Variants in COPS5 observed in about 807,000 individuals in gnomAD.
The protein encoded by COPS5 is COP9 signalosome complex subunit 5.
In COPS5, 8 loss-of-function variants were observed where a neutral mutation model predicts 44.4. That is an observed-to-expected ratio of 0.18 (90% CI 0.11 to 0.32). COPS5 has a LOEUF of 0.32. Among genes scored for constraint, COPS5 ranks in the 10% least tolerant of loss-of-function variants. COPS5 has a pLI of 1.00. For synonymous variants in COPS5, 122 were observed against 142.8 expected, an observed-to-expected ratio of 0.85 and a Z score of 1.04; for missense variants, 159 against 406.4, an observed-to-expected ratio of 0.39 and a Z score of 5.23.
intron 6 of COPS5, among the ~76,000 whole-genome samples, chr8:67,050,280 C>T (rs1324070843): frequency 6.6e-6 from 1 of 152,178 alleles, no homozygotes; most frequent in Non-Finnish European, 1.5e-5. Context: ...GGATTACAGG[C>T]GTAAGCCACC....
intron 2 of COPS5, 71 bp downstream of exon 2, chr8:67,059,140 G>T: frequency 9.8e-7 from 1 of 1,023,094 alleles, no homozygotes; most frequent in Non-Finnish European, 1.5e-6. Flanking sequence ...ATAATTTTAA[G>T]TTTAGAAACT....
intron 6 of COPS5, among the ~76,000 whole-genome samples, chr8:67,048,335 TAAAAGGAA>T (rs1365173473): frequency 1.3e-5 from 2 of 149,480 alleles, no homozygotes; most frequent in African/African-American, 4.9e-5. Flanking sequence ...TAAAATAAAA[TAAAAGGAA>T]AAAAGGAAAA....
At chr8:67,059,470 T>C in intron 1 of COPS5, 25 bp from the exon 2 acceptor site, 1 of 1,521,274 alleles carries the variant, frequency 6.6e-7, no homozygotes, top group African/African-American at 1.4e-5. Flanking sequence ...CACAATGTAA[T>C]TAAATTCCTT....
chr8:67,061,294 G>A (rs1233789780), intron 1 of COPS5: 2 of 375,196 alleles, frequency 5.3e-6, no homozygotes, highest in Non-Finnish European at 1.0e-5. Context: ...ATAATTACCA[G>A]CAATCAAAAA....
intron 6 of COPS5, chr8:67,047,692 T>G: frequency 1.6e-6 from 1 of 624,358 alleles, no homozygotes; most frequent in Non-Finnish European, 2.9e-6. Context: ...AACCTTTTCT[T>G]GATTATTAAT....
chr8:67,055,421 G>A (rs1804488031), intron 5 of COPS5, among the ~76,000 whole-genome samples: 1 of 152,226 alleles, frequency 6.6e-6, no homozygotes, highest in Non-Finnish European at 1.5e-5. Flanking sequence ...GCAAGTGCTT[G>A]ATTGGGGCTC....
At chr8:67,055,228 G>A (rs1804485685) in intron 5 of COPS5, among the ~76,000 whole-genome samples, 1 of 152,224 alleles carries the variant, frequency 6.6e-6, no homozygotes, top group African/African-American at 2.4e-5. Flanking sequence ...CACAGAGGCT[G>A]TAGGAGCCAG....
chr8:67,051,399 T>A, intron 5 of COPS5, 58 bp from the exon 6 acceptor site: 2 of 905,236 alleles, frequency 2.2e-6, no homozygotes, highest in Non-Finnish European at 3.5e-6. Flanking sequence ...CTACGTCACA[T>A]AAAACTTATG....
chr8:67,054,057 G>C (rs1487212002), intron 5 of COPS5, among the ~76,000 whole-genome samples: 1 of 150,504 alleles, frequency 6.6e-6, no homozygotes, highest in African/African-American at 2.4e-5. Context: ...CAAAATTCTA[G>C]TCTTTAGCAA....
chr8:67,054,005 A>T lies in COPS5; in HGVS notation c.659+2514T>A, dbSNP rs537262380. Among the ~76,000 whole-genome samples, 48 of 120,910 alleles carry T rather than the reference A, an allele frequency of 4.0e-4. No homozygotes were observed. The Middle Eastern group carries it at 0.018, about 45-fold the overall frequency. 79.3% of individuals were successfully genotyped at this position (120,910 alleles called of 152,430 possible). On this transcript the variant is annotated intron_variant, in intron 5 of 7. Coordinates refer to ENST00000357849, the MANE Select transcript of COPS5 (RefSeq NM_006837.3). ...TGGGTGACAGAGCAAGACTCCATTT[A>T]AAAAAAAAAAAAAAAAAAGAACATT...
chr8:67,055,288 G>A (rs1804486599), intron 5 of COPS5, among the ~76,000 whole-genome samples: 1 of 152,156 alleles, frequency 6.6e-6, no homozygotes, highest in South Asian at 2.1e-4. Context: ...TCTTGTTCTT[G>A]GTAAGATGGG....
intron 1 of COPS5, 145 bp downstream of exon 1, chr8:67,061,709 G>T: frequency 2.5e-6 from 2 of 795,648 alleles, no homozygotes; most frequent in South Asian, 1.7e-5. Flanking sequence ...GGAGGGCTTA[G>T]GCTCTACTTG....
Position 67,043,151 on chromosome 8 carries a change from G to T in COPS5, c.*82C>A, listed in dbSNP as rs1816657162. Reference sequence around the variant, plus strand: ...TCAGAGCACCTTATACTTCTAATCAGATTTTGGGTAACTGGTTTTAAAGTG... The same window carrying T: ...TCAGAGCACCTTATACTTCTAATCATATTTTGGGTAACTGGTTTTAAAGTG... On this transcript the variant is annotated 3_prime_UTR_variant, in exon 8 of 8. Coordinates refer to ENST00000357849, the MANE Select transcript of COPS5 (RefSeq NM_006837.3). The T allele has an allele frequency of 3.9e-6, 3 of 763,032 alleles. No individual in the cohort carries two copies. Among genetic ancestry groups the T allele is most frequent in the African/African-American group, 3.8e-5 (2 of 52,882 alleles). The allele number at this position is 763,032 out of a possible 1,614,324, so 47.3% of individuals were successfully genotyped here.
In COPS5 at chr8:67,043,299, T is replaced by C. The variant is rs1187108453; in HGVS notation, c.939A>G (p.Glu313=). The change falls in exon 8 of 8, where the codon GAA becomes GAG. Residue 313 remains glutamate (E), a synonymous_variant. Transcript: ENST00000357849. ...ATRDSCKTTI[E]AIHGLMSQVI... is the part of the protein sequence containing the mutation. ...CCTGAGACATCAATCCATGGATAGC[T>C]TCTATGGTAGTTTTACAGCTGGAAA... 3.1e-6 allele frequency: 5 copies of C among 1,598,258 alleles called. No individual in the cohort carries two copies. The highest frequency in any genetic ancestry group is 3.4e-6 in the Non-Finnish European group (4 of 1,169,498).
At chr8:67,060,652 G>C (rs1804580903) in intron 1 of COPS5, 1 of 378,970 alleles carries the variant, frequency 2.6e-6, no homozygotes, top group Non-Finnish European at 4.7e-6. Flanking sequence ...CCAATAAGTA[G>C]GTCTTATTTC....
intron 5 of COPS5, among the ~76,000 whole-genome samples, chr8:67,055,518 CTTT>C (rs1030945634): frequency 9.9e-4 from 151 of 152,042 alleles, no homozygotes; most frequent in African/African-American, 3.5e-3. Context: ...CCATTGGCTT[CTTT>C]AACATTAAAA....
At chr8:67,056,453 C>A in intron 5 of COPS5, 66 bp downstream of exon 5, 1 of 542,844 alleles carries the variant, frequency 1.8e-6, no homozygotes, top group South Asian at 1.9e-5. Flanking sequence ...CTGTGGCTTC[C>A]CAAAGTGCTG....
intron 3 of COPS5, 62 bp downstream of exon 3, chr8:67,058,021 A>C: frequency 6.5e-7 from 1 of 1,544,076 alleles, no homozygotes; most frequent in Non-Finnish European, 8.9e-7. Flanking sequence ...CTTATTTCTC[A>C]GTATACTTGC....
chr8:67,047,797 T>C (rs1816718802), intron 6 of COPS5: 2 of 702,442 alleles, frequency 2.8e-6, no homozygotes, highest in Non-Finnish European at 5.2e-6. Context: ...TGTTCTGGTC[T>C]TAACAGTGTT....
Sources: gnomAD v4.1 joint callset for allele counts (sites outside exome capture counted in the v4.1 genomes callset) on GRCh38, gnomAD v4.1.1 for gene constraint, MANE v1.5 for transcripts, NCBI Gene and HGNC (gene_info 2026-07-23, HGNC 2026-07-21) for gene names.